The following GUCY1B1 variants were observed in gnomAD, a reference collection of about 807,000 sequenced individuals.
The protein encoded by GUCY1B1 is guanylate cyclase soluble subunit beta-1.
Under a neutral mutation model 71.0 loss-of-function variants are expected in GUCY1B1, and 43 were observed. The ratio of observed to expected loss-of-function variants is 0.61; its 90% CI spans 0.47 to 0.78. The LOEUF (loss-of-function observed/expected upper bound fraction) is 0.78. GUCY1B1 is among the 30% of genes least tolerant of loss of function. The probability of loss-of-function intolerance (pLI) is 0.00; values close to 1 mark genes in which losing one functional copy is unlikely to be tolerated. For missense variants in GUCY1B1, 535 were observed against 754.1 expected, an observed-to-expected ratio of 0.71 and a Z score of 3.40; for synonymous variants, 266 against 259.7, an observed-to-expected ratio of 1.02 and a Z score of -0.23.
chr4:155,770,904 A>G (rs1737652271), intron 2 of GUCY1B1, among the ~76,000 whole-genome samples: 1 of 152,216 alleles, frequency 6.6e-6, no homozygotes, highest in Non-Finnish European at 1.5e-5. Context: ...TGTAGTATCT[A>G]TTGCTTCATA....
chr4:155,778,275 T>TA, intron 4 of GUCY1B1, among the ~76,000 whole-genome samples: 1 of 152,324 alleles, frequency 6.6e-6, no homozygotes, highest in South Asian at 2.1e-4. Flanking sequence ...AAAATTACCT[T>TA]AAAAGATTGT....
intron 9 of GUCY1B1, 41 bp downstream of exon 9, chr4:155,800,115 A>T (rs565322010): frequency 1.0e-4 from 137 of 1,338,286 alleles, no homozygotes; most frequent in Non-Finnish European, 1.3e-4. Context: ...TATTCATAAC[A>T]TAATGTGACT....
At chr4:155,797,765 A>G (rs930505110) in intron 8 of GUCY1B1, among the ~76,000 whole-genome samples, 1 of 88,018 alleles carries the variant, frequency 1.1e-5, no homozygotes, top group Non-Finnish European at 2.5e-5. Context: ...ATAATAATAT[A>G]TCGTTAATTT....
intron 5 of GUCY1B1, among the ~76,000 whole-genome samples, chr4:155,790,594 A>G (rs1739090728): frequency 1.3e-5 from 2 of 152,200 alleles, no homozygotes; most frequent in South Asian, 4.1e-4. Flanking sequence ...CAGCATGTTC[A>G]TACCCAAGAG....
At chr4:155,793,462 T>G (rs1418578081) in intron 5 of GUCY1B1, among the ~76,000 whole-genome samples, 1 of 152,240 alleles carries the variant, frequency 6.6e-6, no homozygotes, top group Admixed American at 6.5e-5. Flanking sequence ...ATCATTTTAT[T>G]TCCCATTGTT....
At chr4:155,805,673 C>T (rs1435689257) in intron 13 of GUCY1B1, among the ~76,000 whole-genome samples, 1 of 152,104 alleles carries the variant, frequency 6.6e-6, no homozygotes, top group African/African-American at 2.4e-5. Flanking sequence ...GGCAGGCTAT[C>T]TTTCTATGGA....
intron 5 of GUCY1B1, among the ~76,000 whole-genome samples, 194 bp downstream of exon 5, chr4:155,790,105 C>T (rs1739057343): frequency 6.6e-6 from 1 of 152,096 alleles, no homozygotes; most frequent in African/African-American, 2.4e-5. Flanking sequence ...TTTTTTCCTT[C>T]TGGCAGCAGA....
intron 2 of GUCY1B1, 39 bp from the exon 3 acceptor site, chr4:155,774,929 C>A: frequency 2.8e-6 from 3 of 1,053,100 alleles, no homozygotes; most frequent in African/African-American, 1.6e-5. Flanking sequence ...TTTTTAACTT[C>A]AACTTTTCTC....
At chr4:155,767,118 A>C (rs1737390830) in intron 2 of GUCY1B1, among the ~76,000 whole-genome samples, 1 of 152,206 alleles carries the variant, frequency 6.6e-6, no homozygotes, top group African/African-American at 2.4e-5. Flanking sequence ...TGTAATTATC[A>C]TGTTATGTGT....
At chr4:155,764,310 A>G (rs1258323459) in intron 2 of GUCY1B1, among the ~76,000 whole-genome samples, 1 of 152,206 alleles carries the variant, frequency 6.6e-6, no homozygotes, top group Non-Finnish European at 1.5e-5. Flanking sequence ...TGTTCTCTCT[A>G]TAATTTTGGT....
intron 3 of GUCY1B1, 50 bp downstream of exon 3, chr4:155,775,118 C>T (rs1459186471): frequency 1.1e-6 from 1 of 915,022 alleles, no homozygotes; most frequent in Non-Finnish European, 1.8e-6. Context: ...CGTAGAAGCT[C>T]ACAGAATGCA....
intron 2 of GUCY1B1, among the ~76,000 whole-genome samples, chr4:155,765,145 A>G (rs1428085266): frequency 1.3e-5 from 2 of 152,178 alleles, no homozygotes; most frequent in African/African-American, 2.4e-5. Context: ...TAATGTACCC[A>G]GATCTAGTTT....
intron 2 of GUCY1B1, among the ~76,000 whole-genome samples, chr4:155,763,258 C>T (rs1371315772): frequency 6.6e-6 from 1 of 152,104 alleles, no homozygotes; most frequent in East Asian, 1.9e-4. Context: ...TGTGCCCAAG[C>T]TGGTCTCAAA....
chr4:155,770,597 T>C (rs1737630115), intron 2 of GUCY1B1, among the ~76,000 whole-genome samples: 1 of 152,204 alleles, frequency 6.6e-6, no homozygotes, highest in African/African-American at 2.4e-5. Context: ...ATTAAACTGC[T>C]TCATACTAAA....
At chr4:155,791,575 T>TA (rs1026224535) in intron 5 of GUCY1B1, among the ~76,000 whole-genome samples, 88 of 149,392 alleles carry the variant, frequency 5.9e-4, no homozygotes, top group Non-Finnish European at 1.1e-3. Flanking sequence ...CTAAAAATAC[T>TA]AAAAAAATAG....
chr4:155,772,903 A>G, intron 2 of GUCY1B1: 2 of 663,666 alleles, frequency 3.0e-6, no homozygotes, highest in Non-Finnish European at 5.5e-6. Context: ...TGTTTTTAAG[A>G]CTATCTGCAT....
At chr4:155,784,133 GGTAAT>G (rs1738613455) in intron 4 of GUCY1B1, among the ~76,000 whole-genome samples, 1 of 151,940 alleles carries the variant, frequency 6.6e-6, no homozygotes, top group African/African-American at 2.4e-5. Flanking sequence ...TGGAGAGGAT[GGTAAT>G]GATAAATTGA....
At chr4:155,803,847 T>A in intron 11 of GUCY1B1, 83 bp downstream of exon 11, 1 of 885,718 alleles carries the variant, frequency 1.1e-6, no homozygotes, top group Non-Finnish European at 1.6e-6. Context: ...GGAAAATCAT[T>A]AACGTGTATA....
intron 2 of GUCY1B1, among the ~76,000 whole-genome samples, chr4:155,762,894 G>A (rs751482260): frequency 3.9e-5 from 6 of 152,162 alleles, no homozygotes; most frequent in Non-Finnish European, 1.5e-5. Context: ...ATAGTTTGAT[G>A]ACCTCTGATT....
Sources: allele counts gnomAD v4.1 joint callset (sites outside exome capture counted in the v4.1 genomes callset), GRCh38; gene constraint gnomAD v4.1.1; transcripts MANE v1.5; gene names NCBI Gene and HGNC (gene_info 2026-07-23, HGNC 2026-07-21).